EPB41L5: variants seen among roughly 807,000 people sequenced by gnomAD.
EPB41L5 encodes the protein band 4.1-like protein 5.
In EPB41L5, 55 loss-of-function variants were observed where a neutral mutation model predicts 106.6. The ratio of observed to expected loss-of-function variants is 0.52; its 90% CI spans 0.42 to 0.65. The LOEUF is 0.65. EPB41L5 is among the 30% of genes least tolerant of loss of function. The pLI is 0.00. For synonymous variants in EPB41L5, 297 were observed against 306.7 expected, an observed-to-expected ratio of 0.97 and a Z score of 0.33; for missense variants, 871 against 882.1, an observed-to-expected ratio of 0.99 and a Z score of 0.16.
chr2:120,038,184 A>T (rs1207855199), intron 2 of EPB41L5, among the ~76,000 whole-genome samples: 1 of 152,200 alleles, frequency 6.6e-6, no homozygotes, highest in Non-Finnish European at 1.5e-5. Context: ...CAGCAACAAC[A>T]ACCAAAAGCC....
intron 3 of EPB41L5, among the ~76,000 whole-genome samples, chr2:120,049,149 G>T (rs935879041): frequency 1.3e-5 from 2 of 152,186 alleles, no homozygotes; most frequent in Non-Finnish European, 2.9e-5. Context: ...CTGATTTGGG[G>T]TGGAGAGTTC....
At chr2:120,013,380 A>T (rs1473587351) in intron 1 of EPB41L5, 170 bp downstream of exon 1, 1 of 151,936 alleles carries the variant, frequency 6.6e-6, no homozygotes, top group Non-Finnish European at 1.5e-5. Flanking sequence ...CCGGCAGGGC[A>T]TTAATCCCGC....
intron 1 of EPB41L5, among the ~76,000 whole-genome samples, chr2:120,015,782 A>G (rs1677474081): frequency 6.6e-6 from 1 of 151,998 alleles, no homozygotes; most frequent in South Asian, 2.1e-4. Context: ...TGTCTCTACA[A>G]AAAATCATTG....
At chr2:120,093,816 A>G (rs1014059335) in intron 14 of EPB41L5, among the ~76,000 whole-genome samples, 2 of 152,190 alleles carry the variant, frequency 1.3e-5, no homozygotes, top group African/African-American at 4.8e-5. Flanking sequence ...AAGTTTGTAT[A>G]TGTTCCCTCC....
At position 120,018,617 on chromosome 2, in the gene EPB41L5, A is replaced by G. The variant is rs559850772; in HGVS notation, c.-8-460A>G. On this transcript the variant is annotated intron_variant, in intron 1 of 24. Coordinates refer to ENST00000263713, the MANE Select transcript of EPB41L5 (RefSeq NM_020909.4). ...CCAGTTTTAATGATTTTTTTTTTCA[A>G]ATTTACTTGACCAGGAGCCCTTTTT... is the stretch of plus-strand genomic sequence containing the variant. 4.0e-5 allele frequency among the ~76,000 whole-genome samples: 6 copies of G among 151,676 alleles called. No homozygotes were observed. The South Asian group carries it at 1.3e-3, about 32-fold the overall frequency.
chr2:120,014,044 G>C (rs1264139444), intron 1 of EPB41L5, among the ~76,000 whole-genome samples: 1 of 152,176 alleles, frequency 6.6e-6, no homozygotes, highest in East Asian at 1.9e-4. Flanking sequence ...ATTCGAAAAC[G>C]ATATGCGTAA....
chr2:120,075,747 C>T lies in EPB41L5; in HGVS notation c.499C>T (p.Leu167=). ...AGCAGTGCAATTGGCAGCTTATAAT[C>T]TGCAAGGTAAGCAATTCTTATGTTG... The part of the protein sequence containing the change: ...DTAVQLAAYN[L]QAELGDYDLA... Residue 167 remains leucine, a synonymous_variant, in exon 7 of 25, where the codon CTG becomes TTG. Transcript: ENST00000263713. The T allele has an allele frequency of 6.2e-7, 1 of 1,612,618 alleles. No individual in the cohort carries two copies. The highest frequency in any genetic ancestry group is 8.5e-7 in the Non-Finnish European group (1 of 1,178,794).
chr2:120,109,631 T>G (rs1234367697), intron 16 of EPB41L5, among the ~76,000 whole-genome samples: 1 of 152,202 alleles, frequency 6.6e-6, no homozygotes, highest in Non-Finnish European at 1.5e-5. Context: ...AATCCTCCGT[T>G]TTGTTCTACT....
intron 16 of EPB41L5, among the ~76,000 whole-genome samples, chr2:120,123,606 C>T (rs1425511703): frequency 6.8e-6 from 1 of 147,878 alleles, no homozygotes; most frequent in African/African-American, 2.5e-5. Flanking sequence ...TCAAAATGTA[C>T]AGTGGTGCAG....
At chr2:120,047,041 C>A (rs1679829654) in intron 3 of EPB41L5, among the ~76,000 whole-genome samples, 1 of 152,076 alleles carries the variant, frequency 6.6e-6, no homozygotes, top group Admixed American at 6.5e-5. Flanking sequence ...GGTACCAGTA[C>A]CATGCTGTTT....
intron 16 of EPB41L5, chr2:120,105,845 A>G (rs1684423761): frequency 3.0e-6 from 3 of 985,398 alleles, no homozygotes; most frequent in Non-Finnish European, 3.6e-6. Context: ...AATTTGGATT[A>G]TAACATTTTA....
intron 16 of EPB41L5, among the ~76,000 whole-genome samples, chr2:120,103,051 A>G (rs1215975964): frequency 6.6e-6 from 1 of 152,176 alleles, no homozygotes; most frequent in South Asian, 2.1e-4. Flanking sequence ...AAAGCCTTCC[A>G]ATTTTGTTTT....
intron 16 of EPB41L5, chr2:120,104,625 C>G: frequency 3.0e-6 from 3 of 988,958 alleles, no homozygotes; most frequent in Non-Finnish European, 2.4e-6. Context: ...ATCAGACACA[C>G]TAAAAACACA....
chr2:120,013,705 T>G (rs1416017656), intron 1 of EPB41L5: 7 of 152,196 alleles, frequency 4.6e-5, no homozygotes, highest in Admixed American at 4.6e-4. Context: ...AAAGACGAGG[T>G]CTGAAGGTCC....
intron 19 of EPB41L5, among the ~76,000 whole-genome samples, chr2:120,143,611 A>T (rs1686277163): frequency 6.6e-6 from 1 of 152,088 alleles, no homozygotes; most frequent in South Asian, 2.1e-4. Context: ...TCAAACTTAC[A>T]TTCTGTCCTA....
intron 16 of EPB41L5, among the ~76,000 whole-genome samples, chr2:120,109,107 TATC>T (rs1471002634): frequency 6.6e-6 from 1 of 152,170 alleles, no homozygotes; most frequent in African/African-American, 2.4e-5. Context: ...CACAGCCACT[TATC>T]ATTATGCCTT....
chr2:120,118,656 C>G (rs551661351), intron 16 of EPB41L5, among the ~76,000 whole-genome samples: 1 of 152,316 alleles, frequency 6.6e-6, no homozygotes, highest in African/African-American at 2.4e-5. Flanking sequence ...CTATCCATGT[C>G]CCTGCAAAGG....
Position 120,100,302 on chromosome 2 carries a change from G to A in EPB41L5, c.1221+16G>A. ...CTCCCAACAGGTAAGACAATACTAA[G>A]CTTCTAAAACACTGGATCACCCGTT... On this transcript the variant is annotated intron_variant, in intron 15 of 24. Transcript: ENST00000263713. 1 of 1,610,530 alleles carries A rather than the reference G, an allele frequency of 6.2e-7. No individual in the cohort carries two copies. The highest frequency in any genetic ancestry group is 8.5e-7 in the Non-Finnish European group (1 of 1,177,232).
intron 16 of EPB41L5, chr2:120,106,131 T>C (rs540012876): frequency 2.7e-4 from 264 of 985,300 alleles, no homozygotes; most frequent in Non-Finnish European, 3.1e-4. Context: ...TACTGTTACA[T>C]TTAAGGGAAG....
Sources: gnomAD v4.1 joint callset for allele counts (sites outside exome capture counted in the v4.1 genomes callset) on GRCh38, gnomAD v4.1.1 for gene constraint, MANE v1.5 for transcripts, NCBI Gene and HGNC (gene_info 2026-07-23, HGNC 2026-07-21) for gene names.